THSD7A: variants seen among roughly 807,000 people sequenced by gnomAD.
THSD7A encodes thrombospondin type-1 domain-containing protein 7A.
In THSD7A, 96 loss-of-function variants were observed where a neutral mutation model predicts 231.3. The observed-to-expected ratio is 0.41, with a 90% CI of 0.35 to 0.49. The LOEUF (loss-of-function observed/expected upper bound fraction) is 0.49, where lower values mean the gene tolerates loss of function less well. Ranked by LOEUF, THSD7A falls within the 20% of genes least tolerant of loss-of-function variation. The pLI is 0.05. For synonymous variants in THSD7A, 940 were observed against 743.3 expected (o/e 1.26, Z -4.30); for missense variants, 2,290 against 2,070.2 (o/e 1.11, Z -2.06).
intron 6 of THSD7A, among the ~76,000 whole-genome samples, chr7:11,492,821 T>C (rs1050095027): frequency 9.3e-5 from 14 of 151,068 alleles, no homozygotes; most frequent in Non-Finnish European, 1.8e-4. Context: ...ATGAACCCCA[T>C]GTAAAAACAC....
intron 1 of THSD7A, among the ~76,000 whole-genome samples, chr7:11,653,691 A>C (rs1314337674): frequency 6.6e-6 from 1 of 151,852 alleles, no homozygotes; most frequent in African/African-American, 2.4e-5. Flanking sequence ...GCCAGCCAGC[A>C]ATCAGTTTTG....
intron 2 of THSD7A, among the ~76,000 whole-genome samples, chr7:11,611,338 A>G (rs762441507): frequency 6.6e-6 from 1 of 152,046 alleles, no homozygotes. Flanking sequence ...ATCTATTACA[A>G]TGTATTTTTA....
At chr7:11,407,275 T>G (rs6956916) in intron 20 of THSD7A, 31 bp downstream of exon 20, 553,137 of 1,543,822 alleles carry the variant, frequency 0.36, 101,932 homozygotes, top group African/African-American at 0.48. Flanking sequence ...CCTTGACCAG[T>G]AGCCTAATAT....
chr7:11,551,268 T>G (rs1205761522), intron 4 of THSD7A, among the ~76,000 whole-genome samples: 1 of 152,076 alleles, frequency 6.6e-6, no homozygotes, highest in Non-Finnish European at 1.5e-5. Context: ...AATACCATTC[T>G]GGACATAGGC....
At chr7:11,688,076 C>T (rs1775832431) in intron 1 of THSD7A, among the ~76,000 whole-genome samples, 1 of 124,542 alleles carries the variant, frequency 8.0e-6, no homozygotes, top group Admixed American at 9.2e-5. Context: ...CACCCCACAA[C>T]AGGCCCCCGG....
At chr7:11,457,624 C>T (rs1202916942) in intron 11 of THSD7A, among the ~76,000 whole-genome samples, 1 of 152,072 alleles carries the variant, frequency 6.6e-6, no homozygotes, top group Non-Finnish European at 1.5e-5. Flanking sequence ...TTCATCAGGT[C>T]CTTGCTCATA....
chr7:11,635,895 C>T (rs1781821884), intron 2 of THSD7A, among the ~76,000 whole-genome samples: 1 of 151,948 alleles, frequency 6.6e-6, no homozygotes, highest in Non-Finnish European at 1.5e-5. Context: ...ATTGCTCATG[C>T]TCCAGACTTT....
rs1466457795 is a variant in THSD7A, at chr7:11,814,863, T to C, written c.190+16894A>G. On this transcript the variant is annotated intron_variant, in intron 1 of 27. Coordinates refer to ENST00000423059, the MANE Select transcript of THSD7A (RefSeq NM_015204.3). This position sits in a 1 kb window ranked among gnomAD's most constrained non-coding sequence, Gnocchi z 5.1. Reference sequence around the variant, plus strand: ...CTGTTTGATAAGAGTGATTGGATCTTCTGATCTTTGCTGCATTTCTGTGAT... The same window carrying C: ...CTGTTTGATAAGAGTGATTGGATCTCCTGATCTTTGCTGCATTTCTGTGAT... 6.6e-6 allele frequency among the ~76,000 whole-genome samples: 1 copy of C among 152,114 alleles called. No individual in the cohort carries two copies. The highest frequency in any genetic ancestry group is 2.4e-5 in the African/African-American group (1 of 41,436).
At chr7:11,382,923 G>T (rs927098807) in intron 23 of THSD7A, among the ~76,000 whole-genome samples, 1 of 143,556 alleles carries the variant, frequency 7.0e-6, no homozygotes. Context: ...TATATATATA[G>T]TTATATATAT....
In THSD7A at chr7:11,474,358, T is replaced by C. The variant is rs766809152; in HGVS notation, c.2228A>G (p.Asn743Ser). 180 of 1,612,708 alleles carry C rather than the reference T, an allele frequency of 1.1e-4. No individual in the cohort carries two copies. Among genetic ancestry groups the C allele is most frequent in the Middle Eastern group, 3.3e-4 (2 of 6,074 alleles). Residue 743 changes from asparagine (N) to serine (S), a missense_variant, in exon 8 of 28, where the codon AAT (asparagine) becomes AGT (serine). By Grantham distance (46) the Asn-to-Ser change is conservative (BLOSUM62 1). Transcript: ENST00000423059. The surrounding 1 kb of genome is among the most constrained non-coding windows in gnomAD (Gnocchi z 4.1). ...CTTTTTGGGTCCCACTTGGCCCACA[T>C]TGACTCGCACACAGATGACTTTTCT... Reference protein sequence around the residue: ...QTRKVICVRVNVGQVGPKKCP... With the variant: ...QTRKVICVRVSVGQVGPKKCP...
rs34130500 is a variant in THSD7A, at chr7:11,812,105, TTGTGTG to T, written c.190+19646_190+19651del. Among the ~76,000 whole-genome samples, 225 of 133,590 alleles carry T rather than the reference TTGTGTG, an allele frequency of 1.7e-3. 1 individual carries two copies. The highest frequency in any genetic ancestry group is 3.0e-3 in the African/African-American group (96 of 32,326). 87.6% of individuals were successfully genotyped at this position (133,590 alleles called of 152,430 possible). On this transcript the variant is annotated intron_variant, in intron 1 of 27. Coordinates refer to ENST00000423059, the MANE Select transcript of THSD7A (RefSeq NM_015204.3). ...GACTATAAAGGAGAAGAAAAGAAAA[TTGTGTG>T]TGTGTGTGTGTGTGTGTGTGTGTGT...
At position 11,469,966 on chromosome 7, in the gene THSD7A, C is replaced by G; in HGVS notation, c.2281G>C (p.Val761Leu). Residue 761 changes from valine to leucine, a missense_variant, in exon 9 of 28, where the codon GTA becomes CTA. By Grantham distance (32) the Val-to-Leu change is conservative. Coordinates refer to ENST00000423059, the MANE Select transcript of THSD7A (RefSeq NM_015204.3). The stretch of plus-strand genomic sequence containing the variant: ...TTACAAGGAAGCAGACAAGGCCTTA[C>G]AGTTTCAGGTCGAAGGCTTTCAGGA... ...KCPESLRPET[V>L]RPCLLPCKKD... The G allele has an allele frequency of 6.3e-7, 1 of 1,597,058 alleles. No individual in the cohort carries two copies. The highest frequency in any genetic ancestry group is 8.5e-7 in the Non-Finnish European group (1 of 1,170,720).
chr7:11,577,615 C>T (rs1373664641), intron 4 of THSD7A, among the ~76,000 whole-genome samples: 4 of 151,130 alleles, frequency 2.6e-5, no homozygotes, highest in Non-Finnish European at 5.9e-5. Context: ...CCATGGCTGG[C>T]CTCTAAACCC....
chr7:11,793,169 A>G (rs1333202330), intron 1 of THSD7A, among the ~76,000 whole-genome samples: 3 of 151,978 alleles, frequency 2.0e-5, no homozygotes, highest in African/African-American at 7.2e-5. Flanking sequence ...AAAGACAATT[A>G]AAAGGGGTAA....
intron 1 of THSD7A, among the ~76,000 whole-genome samples, chr7:11,723,601 G>T (rs1360603663): frequency 6.6e-6 from 1 of 151,862 alleles, no homozygotes; most frequent in East Asian, 2.0e-4. Context: ...TGTATTTGTT[G>T]GTTAGTTGAT....
intron 2 of THSD7A, among the ~76,000 whole-genome samples, chr7:11,635,554 C>T (rs937685802): frequency 2.0e-5 from 3 of 152,160 alleles, no homozygotes; most frequent in African/African-American, 7.2e-5. Flanking sequence ...CTGAATGAGG[C>T]TACTCATGAT....
chr7:11,658,089 C>G (rs1782776632), intron 1 of THSD7A, among the ~76,000 whole-genome samples: 1 of 151,614 alleles, frequency 6.6e-6, no homozygotes, highest in South Asian at 2.1e-4. Flanking sequence ...AAAAATGCAT[C>G]CATCACCGGG....
At chr7:11,713,231 C>T (rs1213976261) in intron 1 of THSD7A, among the ~76,000 whole-genome samples, 3 of 151,126 alleles carry the variant, frequency 2.0e-5, no homozygotes, top group African/African-American at 7.3e-5. Context: ...TGTTTCCCTC[C>T]CATTCCTCAA....
chr7:11,572,885 C>G (rs1159488865), intron 4 of THSD7A, among the ~76,000 whole-genome samples: 1 of 151,986 alleles, frequency 6.6e-6, no homozygotes, highest in Non-Finnish European at 1.5e-5. Flanking sequence ...CTCCTTTTTT[C>G]ATGTGTAGTA....
Sources: allele counts gnomAD v4.1 joint callset (sites outside exome capture counted in the v4.1 genomes callset), GRCh38; gene constraint gnomAD v4.1.1; non-coding constraint Gnocchi (gnomAD v3.1); transcripts MANE v1.5; gene names NCBI Gene and HGNC (gene_info 2026-07-23, HGNC 2026-07-21).